The following CACNA1E variants were observed in gnomAD, a reference collection of about 807,000 sequenced individuals.
The protein encoded by CACNA1E is calcium voltage-gated channel subunit alpha1 E, also known as voltage-dependent R-type calcium channel subunit alpha-1E.
A neutral mutation model predicts 259.2 loss-of-function variants in CACNA1E; 40 were observed. That is an observed-to-expected ratio of 0.15 (90% CI 0.12 to 0.20). The LOEUF is 0.20. Among genes scored for constraint, CACNA1E ranks in the 10% least tolerant of loss-of-function variants. The pLI is 1.00. For missense variants in CACNA1E, 1,874 were observed against 3,040.1 expected, an observed-to-expected ratio of 0.62 and a Z score of 9.02; for synonymous variants, 1,104 against 1,138.5, an observed-to-expected ratio of 0.97 and a Z score of 0.61.
upstream of CACNA1E, among the ~76,000 whole-genome samples, chr1:181,481,575 T>C (rs560743915): frequency 4.6e-5 from 7 of 152,362 alleles, no homozygotes; most frequent in African/African-American, 1.7e-4. Flanking sequence ...GTTTCCTTCC[T>C]CAGCCCCTCC....
intron 44 of CACNA1E, 126 bp from the exon 45 acceptor site, chr1:181,793,539 T>G (rs1661513382): frequency 2.0e-6 from 2 of 985,010 alleles, no homozygotes; most frequent in African/African-American, 1.6e-5. Context: ...TACATACAAC[T>G]GAGACCTTAA....
rs900233418 is a variant in CACNA1E, at chr1:181,525,762, T to C, written c.512+14252T>C. Among the ~76,000 whole-genome samples the C allele has an allele frequency of 3.9e-5, 6 of 152,232 alleles. No homozygotes were observed. The East Asian group carries it at 9.6e-4, about 24-fold the overall frequency. On this transcript the variant is annotated intron_variant, in intron 3 of 47. Transcript: ENST00000367573. ...AGAGTCAGTAGTAAATAAATGGTTG[T>C]CACGAGTCTTTGGAGAAGGATTTAT...
chr1:181,514,411 T>G (rs748248215), intron 3 of CACNA1E, among the ~76,000 whole-genome samples: 32 of 152,174 alleles, frequency 2.1e-4, no homozygotes, highest in Non-Finnish European at 3.1e-4. Flanking sequence ...GGGTAAGTTA[T>G]TCACCCAAGA....
At position 181,578,942 on chromosome 1, in the gene CACNA1E, T is replaced by A. The variant is rs538091804; in HGVS notation, c.617-130T>A. 4.2e-6 allele frequency: 3 copies of A among 708,582 alleles called. No individual in the cohort carries two copies. In the South Asian group the frequency reaches 7.8e-5, roughly 18 times the overall value. The allele number at this position is 708,582 out of a possible 1,614,324, so 43.9% of individuals were successfully genotyped here. ...AATTTCCTTTAGGAAAGGAGCACAT[T>A]CTAATAAATTTAATCTATCAGAGGC... On this transcript the variant is annotated intron_variant, in intron 4 of 47. Transcript: ENST00000367573.
At chr1:181,678,119 T>C (rs1649560333) in intron 7 of CACNA1E, among the ~76,000 whole-genome samples, 1 of 152,138 alleles carries the variant, frequency 6.6e-6, no homozygotes. Context: ...TGCTGCCTCT[T>C]CAACTTTAAT....
chr1:181,796,632 A>G (rs1661828932), intron 46 of CACNA1E, 36 bp from the exon 47 acceptor site: 1 of 1,470,900 alleles, frequency 6.8e-7, no homozygotes, highest in African/African-American at 1.4e-5. Flanking sequence ...CAGAGTGGAC[A>G]GAGTTATAAC....
At chr1:181,455,150 G>A (rs1262733878) in intron 2 of CACNA1E, among the ~76,000 whole-genome samples, 2 of 152,210 alleles carry the variant, frequency 1.3e-5, no homozygotes, top group Non-Finnish European at 2.9e-5. Flanking sequence ...AGCATAAATA[G>A]TGGTGGTTGA....
chr1:181,532,425 G>A (rs991501383), intron 3 of CACNA1E, among the ~76,000 whole-genome samples: 18 of 152,228 alleles, frequency 1.2e-4, no homozygotes, highest in Admixed American at 9.2e-4. Context: ...TGTGGTGTAT[G>A]GGTGTGTGGC....
chr1:181,367,039 A>C (rs1654322970), intron 1 of CACNA1E, among the ~76,000 whole-genome samples: 1 of 152,046 alleles, frequency 6.6e-6, no homozygotes, highest in Non-Finnish European at 1.5e-5. Flanking sequence ...CCTATTAGCT[A>C]CTTTGGGAGC....
At chr1:181,676,035 C>G (rs1002454574) in intron 7 of CACNA1E, among the ~76,000 whole-genome samples, 1 of 130,960 alleles carries the variant, frequency 7.6e-6, no homozygotes, top group African/African-American at 2.9e-5. Flanking sequence ...ACAGTGTGTG[C>G]TGTGTCACTC....
intron 7 of CACNA1E, among the ~76,000 whole-genome samples, chr1:181,673,235 T>C (rs1648992950): frequency 6.6e-6 from 1 of 151,998 alleles, no homozygotes; most frequent in Admixed American, 6.6e-5. Flanking sequence ...TGTGTGTGTG[T>C]GTGTGTGTAT....
chr1:181,399,642 A>G (rs538231335), intron 1 of CACNA1E, among the ~76,000 whole-genome samples: 1 of 152,376 alleles, frequency 6.6e-6, no homozygotes, highest in African/African-American at 2.4e-5. Context: ...TGACTCCAGC[A>G]GGACTGGGAA....
At chr1:181,341,018 G>A (rs112206448) in intron 1 of CACNA1E, among the ~76,000 whole-genome samples, 5 of 152,172 alleles carry the variant, frequency 3.3e-5, no homozygotes, top group South Asian at 2.1e-4. Flanking sequence ...TAAGAAGCCC[G>A]TCTGAGATCA....
At chr1:181,751,012 G>A (rs561018939) in intron 26 of CACNA1E, among the ~76,000 whole-genome samples, 1 of 152,142 alleles carries the variant, frequency 6.6e-6, no homozygotes, top group South Asian at 2.1e-4. Context: ...TCGCAGGAAG[G>A]TCAGGGGGAA....
chr1:181,770,873 C>T lies in CACNA1E; in HGVS notation c.4882-420C>T, dbSNP rs76111284. Reference sequence around the variant, plus strand: ...ATGTCTTCTTGCAAATCTGAATGCTCCCATCATGACTACCTGAGACAGGAA... The same window carrying T: ...ATGTCTTCTTGCAAATCTGAATGCTTCCATCATGACTACCTGAGACAGGAA... On this transcript the variant is annotated intron_variant, in intron 35 of 47. Coordinates refer to ENST00000367573, the MANE Select transcript of CACNA1E (RefSeq NM_001205293.3). Among the ~76,000 whole-genome samples the T allele has an allele frequency of 5.2e-3, 796 of 152,226 alleles. 2 individuals are homozygous for T. Among genetic ancestry groups the T allele is most frequent in the Admixed American group, 6.9e-3 (105 of 15,296 alleles).
chr1:181,730,814 C>T (rs372090420), intron 18 of CACNA1E, among the ~76,000 whole-genome samples: 36 of 152,310 alleles, frequency 2.4e-4, no homozygotes, highest in African/African-American at 8.4e-4. Flanking sequence ...GAAAACTACT[C>T]AGCAACATCT....
chr1:181,736,521 T>TG, intron 22 of CACNA1E, 87 bp downstream of exon 22: 1 of 1,248,444 alleles, frequency 8.0e-7, no homozygotes, highest in African/African-American at 1.5e-5. Context: ...AGAGGAAGGA[T>TG]GGGGGCCCAG....
chr1:181,598,359 A>C (rs1189056490), intron 6 of CACNA1E, among the ~76,000 whole-genome samples: 1 of 152,148 alleles, frequency 6.6e-6, no homozygotes, highest in African/African-American at 2.4e-5. Flanking sequence ...TGTGGGGTAT[A>C]AAGGCAGTGG....
At chr1:181,533,945 G>A (rs1202944908) in intron 3 of CACNA1E, among the ~76,000 whole-genome samples, 3 of 152,032 alleles carry the variant, frequency 2.0e-5, no homozygotes, top group Admixed American at 1.3e-4. Context: ...TTAAAATCAT[G>A]TTGGTAGATT....
Sources: gnomAD v4.1 joint callset for allele counts (sites outside exome capture counted in the v4.1 genomes callset) on GRCh38, gnomAD v4.1.1 for gene constraint, MANE v1.5 for transcripts, NCBI Gene and HGNC (gene_info 2026-07-23, HGNC 2026-07-21) for gene names.